Variants in SDK1 observed in about 807,000 individuals in gnomAD.
SDK1 encodes sidekick cell adhesion molecule 1.
SDK1 carries 157 observed loss-of-function variants against 245.5 expected under a neutral mutation model. That is an observed-to-expected ratio of 0.64 (90% CI 0.56 to 0.73). The LOEUF is 0.73. Ranked by LOEUF, SDK1 falls within the 30% of genes least tolerant of loss-of-function variation. The probability of loss-of-function intolerance (pLI) is 0.00; values close to 1 mark genes in which losing one functional copy is unlikely to be tolerated. For synonymous variants in SDK1, 1,647 were observed against 1,278.5 expected (o/e 1.29, Z -6.15); for missense variants, 3,583 against 3,002.3 (o/e 1.19, Z -4.52).
chr7:3,840,573 C>G (rs1780131741), intron 5 of SDK1, among the ~76,000 whole-genome samples: 2 of 152,142 alleles, frequency 1.3e-5, no homozygotes, highest in African/African-American at 4.8e-5. Context: ...TGAATCAAAT[C>G]CTGCATCTTA....
At chr7:3,314,592 A>C (rs1279443114) in intron 1 of SDK1, among the ~76,000 whole-genome samples, 1 of 152,196 alleles carries the variant, frequency 6.6e-6, no homozygotes, top group Admixed American at 6.5e-5. Context: ...GATGCTCATC[A>C]ATTCCTGAAT....
At chr7:3,719,893 C>A (rs1286875111) in intron 4 of SDK1, among the ~76,000 whole-genome samples, 1 of 151,718 alleles carries the variant, frequency 6.6e-6, no homozygotes, top group Non-Finnish European at 1.5e-5. Context: ...AAGAGAATTG[C>A]TTGAACCCGG....
At chr7:3,590,533 C>G (rs998450289) in intron 1 of SDK1, among the ~76,000 whole-genome samples, 2 of 152,056 alleles carry the variant, frequency 1.3e-5, no homozygotes, top group African/African-American at 2.4e-5. Flanking sequence ...TTTGAAATCA[C>G]TAAATCACAG....
intron 4 of SDK1, among the ~76,000 whole-genome samples, chr7:3,773,874 G>A (rs1780473937): frequency 6.6e-6 from 1 of 152,148 alleles, no homozygotes; most frequent in South Asian, 2.1e-4. Flanking sequence ...AATCTTCAAT[G>A]TCTGCTTCCT....
chr7:3,644,773 CAAAAA>C (rs34276127), intron 4 of SDK1, among the ~76,000 whole-genome samples: 1 of 40,046 alleles, frequency 2.5e-5, no homozygotes, highest in Non-Finnish European at 4.5e-5. Flanking sequence ...ACCCTGTCTC[CAAAAA>C]AAAAAAAAAA....
chr7:3,760,419 A>G (rs918213259), intron 4 of SDK1, among the ~76,000 whole-genome samples: 1 of 152,168 alleles, frequency 6.6e-6, no homozygotes, highest in African/African-American at 2.4e-5. Context: ...TGTGACTGTC[A>G]TTAGTATACC....
intron 2 of SDK1, among the ~76,000 whole-genome samples, chr7:3,622,246 G>C (rs1198448302): frequency 6.6e-6 from 1 of 152,162 alleles, no homozygotes; most frequent in Non-Finnish European, 1.5e-5. Context: ...GGGAGGGTGA[G>C]GCAGGCGGAT....
intron 4 of SDK1, among the ~76,000 whole-genome samples, chr7:3,681,981 C>A (rs190614219): frequency 3.3e-5 from 5 of 152,236 alleles, no homozygotes; most frequent in African/African-American, 7.2e-5. Context: ...ATAACATAAT[C>A]AAATGTTTTA....
intron 5 of SDK1, among the ~76,000 whole-genome samples, chr7:3,869,871 C>T (rs762868005): frequency 6.6e-6 from 1 of 152,114 alleles, no homozygotes; most frequent in Non-Finnish European, 1.5e-5. Flanking sequence ...ACATTGGTTC[C>T]TTTGGTTCCC....
At chr7:3,579,351 G>C (rs1431107625) in intron 1 of SDK1, among the ~76,000 whole-genome samples, 1 of 152,120 alleles carries the variant, frequency 6.6e-6, no homozygotes, top group Non-Finnish European at 1.5e-5. Flanking sequence ...GTTATCCCTG[G>C]GATGCAAGGT....
At chr7:3,386,785 C>G (rs1353999218) in intron 1 of SDK1, among the ~76,000 whole-genome samples, 1 of 152,182 alleles carries the variant, frequency 6.6e-6, no homozygotes, top group African/African-American at 2.4e-5. Context: ...ATGGCAGCTG[C>G]TATCACCATG....
At chr7:3,387,297 C>T (rs968479078) in intron 1 of SDK1, among the ~76,000 whole-genome samples, 2 of 152,150 alleles carry the variant, frequency 1.3e-5, no homozygotes, top group Non-Finnish European at 2.9e-5. Context: ...CCTCATCCTC[C>T]CTCCCCACCA....
intron 1 of SDK1, among the ~76,000 whole-genome samples, chr7:3,543,920 C>T (rs1335718644): frequency 6.6e-6 from 1 of 152,188 alleles, no homozygotes; most frequent in Non-Finnish European, 1.5e-5. Flanking sequence ...TAAATTGTTA[C>T]TGAGATGAGC....
At chr7:3,964,939 G>A (rs990421326) in intron 9 of SDK1, among the ~76,000 whole-genome samples, 3 of 152,178 alleles carry the variant, frequency 2.0e-5, no homozygotes, top group Non-Finnish European at 4.4e-5. Flanking sequence ...ATTGCTTCAA[G>A]CAGTAGAAAT....
chr7:3,497,873 GA>G (rs1245558964), intron 1 of SDK1, among the ~76,000 whole-genome samples: 4 of 152,168 alleles, frequency 2.6e-5, no homozygotes, highest in African/African-American at 9.7e-5. Context: ...CTTAATCCCT[GA>G]TGGACTTTTC....
At chr7:3,852,068 C>G (rs1780431472) in intron 5 of SDK1, among the ~76,000 whole-genome samples, 1 of 152,054 alleles carries the variant, frequency 6.6e-6, no homozygotes, top group African/African-American at 2.4e-5. Flanking sequence ...CGCTGGAGGT[C>G]TGCTTTGTGC....
At chr7:3,728,985 C>G (rs1402072580) in intron 4 of SDK1, among the ~76,000 whole-genome samples, 1 of 152,094 alleles carries the variant, frequency 6.6e-6, no homozygotes, top group Non-Finnish European at 1.5e-5. Flanking sequence ...GAAGGCAACT[C>G]GAGGGAGAAT....
chr7:3,805,892 A>G (rs985223494), intron 4 of SDK1, among the ~76,000 whole-genome samples: 3 of 152,126 alleles, frequency 2.0e-5, no homozygotes, highest in Non-Finnish European at 2.9e-5. Flanking sequence ...TCTCCTTCCA[A>G]GTCACCTCCT....
chr7:3,985,471 G>C (rs971503132), intron 13 of SDK1, among the ~76,000 whole-genome samples: 1 of 152,160 alleles, frequency 6.6e-6, no homozygotes, highest in African/African-American at 2.4e-5. Context: ...TGGAGATTCG[G>C]TTATTGGAGA....
Sources: allele counts gnomAD v4.1 joint callset (sites outside exome capture counted in the v4.1 genomes callset), GRCh38; gene constraint gnomAD v4.1.1; transcripts MANE v1.5; gene names NCBI Gene and HGNC (gene_info 2026-07-23, HGNC 2026-07-21).